ARHGEF28: variants seen among roughly 807,000 people sequenced by gnomAD.
ARHGEF28 encodes Rho guanine nucleotide exchange factor 28.
In ARHGEF28, 152 loss-of-function variants were observed where a neutral mutation model predicts 206.6. The observed-to-expected ratio is 0.74, with a 90% confidence interval of 0.64 to 0.84. ARHGEF28 has a LOEUF of 0.84. Among genes scored for constraint, ARHGEF28 ranks in the 40% least tolerant of loss-of-function variants. The probability of loss-of-function intolerance (pLI) is 0.00; values close to 1 mark genes in which losing one functional copy is unlikely to be tolerated. For missense variants in ARHGEF28, 2,028 were observed against 2,073.2 expected, an observed-to-expected ratio of 0.98 and a Z score of 0.42; for synonymous variants, 763 against 776.4, an observed-to-expected ratio of 0.98 and a Z score of 0.29.
chr5:73,694,613 C>A (rs1170403850), intron 2 of ARHGEF28, among the ~76,000 whole-genome samples: 1 of 152,126 alleles, frequency 6.6e-6, no homozygotes, highest in Non-Finnish European at 1.5e-5. Context: ...GAAAGGCAGC[C>A]CTTATAGAAG....
chr5:73,664,739 G>A (rs1745837298), intron 1 of ARHGEF28, among the ~76,000 whole-genome samples: 1 of 152,102 alleles, frequency 6.6e-6, no homozygotes, highest in South Asian at 2.1e-4. Context: ...CAACTCCCTT[G>A]ATTAACTCAT....
intron 2 of ARHGEF28, among the ~76,000 whole-genome samples, chr5:73,745,863 G>A (rs1291716185): frequency 6.6e-6 from 1 of 152,244 alleles, no homozygotes; most frequent in Non-Finnish European, 1.5e-5. Context: ...ATTCATATGT[G>A]AAACAGAAGA....
At chr5:73,763,163 C>A (rs1375989201) in intron 4 of ARHGEF28, among the ~76,000 whole-genome samples, 1 of 152,076 alleles carries the variant, frequency 6.6e-6, no homozygotes, top group African/African-American at 2.4e-5. Context: ...TTCCAACCTC[C>A]CCTTCCTCCC....
intron 4 of ARHGEF28, among the ~76,000 whole-genome samples, chr5:73,761,041 C>CA (rs1047271800): frequency 6.6e-6 from 1 of 152,114 alleles, no homozygotes; most frequent in Non-Finnish European, 1.5e-5. Context: ...TTTTCAAGAA[C>CA]AAAAAATGTA....
intron 33 of ARHGEF28, among the ~76,000 whole-genome samples, chr5:73,908,134 C>A (rs1762651168): frequency 6.6e-6 from 1 of 152,096 alleles, no homozygotes; most frequent in Non-Finnish European, 1.5e-5. Context: ...TAACAACTCC[C>A]AAAAGCCACT....
chr5:73,905,943 C>T (rs1299387956), intron 33 of ARHGEF28, among the ~76,000 whole-genome samples: 3 of 152,176 alleles, frequency 2.0e-5, no homozygotes, highest in Non-Finnish European at 2.9e-5. Flanking sequence ...TGAGACAAAA[C>T]ATTTTTCCCT....
chr5:73,670,898 T>C (rs1214855501), intron 1 of ARHGEF28, among the ~76,000 whole-genome samples: 2 of 152,230 alleles, frequency 1.3e-5, no homozygotes, highest in Non-Finnish European at 2.9e-5. Flanking sequence ...AAATATTTTC[T>C]CCCACTCTGG....
chr5:73,855,405 T>C (rs1758957170), intron 14 of ARHGEF28, among the ~76,000 whole-genome samples: 1 of 152,178 alleles, frequency 6.6e-6, no homozygotes, highest in South Asian at 2.1e-4. Flanking sequence ...TTTACACTGT[T>C]ATATCTCAGG....
chr5:73,670,355 CAT>C (rs1746230726), intron 1 of ARHGEF28, among the ~76,000 whole-genome samples: 1 of 152,140 alleles, frequency 6.6e-6, no homozygotes, highest in Non-Finnish European at 1.5e-5. Context: ...ATGTAGTATA[CAT>C]TGCTCTGGTT....
At chr5:73,677,845 G>A (rs1412171641) in intron 1 of ARHGEF28, among the ~76,000 whole-genome samples, 2 of 152,198 alleles carry the variant, frequency 1.3e-5, no homozygotes, top group African/African-American at 4.8e-5. Flanking sequence ...TCTGGAAAAT[G>A]TGGTACAATT....
intron 1 of ARHGEF28, among the ~76,000 whole-genome samples, chr5:73,653,360 G>A (rs1312447499): frequency 6.6e-6 from 1 of 152,222 alleles, no homozygotes; most frequent in Non-Finnish European, 1.5e-5. Context: ...GGAGGTGTCT[G>A]TATATCGAGT....
At chr5:73,792,662 T>TTTA (rs1554064149) in intron 7 of ARHGEF28, among the ~76,000 whole-genome samples, 16 of 150,462 alleles carry the variant, frequency 1.1e-4, no homozygotes, top group Non-Finnish European at 1.0e-4. Context: ...TTTTTTTTTT[T>TTTA]AACGCCTTTG....
At chr5:73,679,954 T>C (rs1287879764) in intron 1 of ARHGEF28, among the ~76,000 whole-genome samples, 2 of 152,144 alleles carry the variant, frequency 1.3e-5, no homozygotes, top group Non-Finnish European at 2.9e-5. Context: ...TTAACCATGT[T>C]GATTGATTAA....
rs79065428 is a variant in ARHGEF28, at chr5:73,692,011, A to G, written c.33+7127A>G. On this transcript the variant is annotated intron_variant, in intron 2 of 35. Coordinates refer to ENST00000513042, the MANE Select transcript of ARHGEF28 (RefSeq NM_001177693.2). ...AATGAGATCTAATAGTTGACATTTT[A>G]TTCAGCAACTTTCAGAAATATTTAA... Among the ~76,000 whole-genome samples, 355 of 152,348 alleles carry G rather than the reference A, an allele frequency of 2.3e-3. 11 individuals are homozygous for G. In the East Asian group the frequency reaches 0.053, roughly 23 times the overall value.
intron 11 of ARHGEF28, among the ~76,000 whole-genome samples, chr5:73,842,581 A>G (rs1006288319): frequency 6.6e-6 from 1 of 152,260 alleles, no homozygotes; most frequent in Non-Finnish European, 1.5e-5. Flanking sequence ...AACTGTCCAC[A>G]CGTCTGCTTG....
chr5:73,911,174 A>T (rs1762879757), intron 34 of ARHGEF28, 101 bp from the exon 35 acceptor site: 1 of 1,199,464 alleles, frequency 8.3e-7, no homozygotes, highest in Non-Finnish European at 1.1e-6. Context: ...CCTCACTTTT[A>T]CTGAAATCTT....
intron 35 of ARHGEF28, among the ~76,000 whole-genome samples, chr5:73,912,535 G>A (rs1372571404): frequency 6.6e-6 from 1 of 152,202 alleles, no homozygotes; most frequent in African/African-American, 2.4e-5. Context: ...CTGCTTATAA[G>A]TTGATTTATT....
chr5:73,727,976 C>T (rs575303252), intron 2 of ARHGEF28, among the ~76,000 whole-genome samples: 28 of 152,300 alleles, frequency 1.8e-4, no homozygotes, highest in Middle Eastern at 6.8e-3. Flanking sequence ...TAGGTCCTTT[C>T]CACGTCAATG....
chr5:73,936,779 G>C (rs943265416), intron 35 of ARHGEF28, among the ~76,000 whole-genome samples: 2 of 151,932 alleles, frequency 1.3e-5, no homozygotes, highest in African/African-American at 4.8e-5. Context: ...TGTTGCCCAG[G>C]CTGGTCTCAA....
Sources: allele counts gnomAD v4.1 joint callset (sites outside exome capture counted in the v4.1 genomes callset), GRCh38; gene constraint gnomAD v4.1.1; transcripts MANE v1.5; gene names NCBI Gene and HGNC (gene_info 2026-07-23, HGNC 2026-07-21).